Variants in AGAP1 observed in about 807,000 individuals in gnomAD.
AGAP1 encodes ArfGAP with GTPase domain, ankyrin repeat and PH domain 1.
Under a neutral mutation model 105.3 loss-of-function variants are expected in AGAP1, and 29 were observed. The ratio of observed to expected loss-of-function variants is 0.28; its 90% CI spans 0.21 to 0.38. AGAP1 has a LOEUF of 0.38. Ranked by LOEUF, AGAP1 falls within the 10% of genes least tolerant of loss-of-function variation. The pLI is 1.00. For missense variants in AGAP1, 998 were observed against 1,165.1 expected (o/e 0.86, Z 2.09); for synonymous variants, 509 against 485.9 (o/e 1.05, Z -0.63).
intron 9 of AGAP1, among the ~76,000 whole-genome samples, chr2:235,814,061 T>C (rs778076159): frequency 7.9e-5 from 12 of 152,202 alleles, no homozygotes; most frequent in Non-Finnish European, 1.3e-4. Context: ...CCCAGCCGCC[T>C]GTGTGTGTGC....
intron 8 of AGAP1, among the ~76,000 whole-genome samples, chr2:235,805,166 G>C (rs1957775221): frequency 6.6e-6 from 1 of 152,190 alleles, no homozygotes; most frequent in Non-Finnish European, 1.5e-5. Flanking sequence ...TTTTTTGACT[G>C]TCTCCGGCAA....
intron 1 of AGAP1, among the ~76,000 whole-genome samples, chr2:235,528,434 T>C (rs2149068374): frequency 6.6e-6 from 1 of 150,988 alleles, no homozygotes; most frequent in African/African-American, 2.4e-5. Context: ...TTATGGACTT[T>C]TGGCTGATTT....
intron 13 of AGAP1, among the ~76,000 whole-genome samples, chr2:236,019,798 C>G (rs947754998): frequency 5.9e-5 from 9 of 152,230 alleles, no homozygotes; most frequent in African/African-American, 2.2e-4. Context: ...GGCAGCCCTG[C>G]CTGACAATCT....
intron 9 of AGAP1, among the ~76,000 whole-genome samples, chr2:235,868,717 A>T (rs1224594237): frequency 6.6e-6 from 1 of 152,224 alleles, no homozygotes. Flanking sequence ...GTGGTGTTTT[A>T]TCACAGCTTG....
intron 16 of AGAP1, among the ~76,000 whole-genome samples, chr2:236,102,203 G>A (rs1198965059): frequency 3.7e-4 from 57 of 152,194 alleles, no homozygotes; most frequent in African/African-American, 1.4e-3. Flanking sequence ...GGATCACAAG[G>A]TCAGGAGATC....
chr2:235,613,154 C>T (rs913759397), intron 1 of AGAP1, among the ~76,000 whole-genome samples: 1 of 151,850 alleles, frequency 6.6e-6, no homozygotes, highest in Non-Finnish European at 1.5e-5. Context: ...CACCACCATG[C>T]CCAGCTAATT....
chr2:235,816,775 C>A (rs1958481304), intron 9 of AGAP1, among the ~76,000 whole-genome samples: 1 of 151,932 alleles, frequency 6.6e-6, no homozygotes, highest in Non-Finnish European at 1.5e-5. Context: ...CCTGTAATCC[C>A]ACCTACCTGG....
rs531202659 is a variant in AGAP1, at chr2:235,764,222, G to A, written c.673+13734G>A. On this transcript the variant is annotated intron_variant, in intron 6 of 17. Transcript: ENST00000304032. The stretch of plus-strand genomic sequence containing the variant: ...ACACTTCAAAGGAGGCAAAGAAAAA[G>A]CAAAACTGCCAGTTCCTTGAGCATG... 1.8e-3 allele frequency among the ~76,000 whole-genome samples: 268 copies of A among 152,334 alleles called. 1 individual carries two copies. Among genetic ancestry groups the A allele is most frequent in the African/African-American group, 6.3e-3 (260 of 41,584 alleles).
intron 1 of AGAP1, among the ~76,000 whole-genome samples, chr2:235,511,006 G>A (rs113862212): frequency 0.14 from 21,357 of 148,594 alleles, 1,744 homozygotes; most frequent in Middle Eastern, 0.29. Context: ...GCGGGGGGCG[G>A]CGGTGTATGG....
In AGAP1 at chr2:235,988,897, A is replaced by G. The variant is rs2055436271; in HGVS notation, c.1645+20274A>G. Among the ~76,000 whole-genome samples the G allele has an allele frequency of 6.6e-6, 1 of 152,038 alleles. No homozygotes were observed. The stretch of plus-strand genomic sequence containing the variant: ...CCAGCAGGTAACTTGCTTCAGCGCC[A>G]CTTTGCCTGGGTGCTGGTGATCCTC... On this transcript the variant is annotated intron_variant, in intron 13 of 17. Transcript: ENST00000304032. The surrounding 1 kb of genome is among the most constrained non-coding windows in gnomAD (Gnocchi z 4.7).
intron 1 of AGAP1, among the ~76,000 whole-genome samples, chr2:235,534,534 T>A (rs1268076450): frequency 6.6e-6 from 1 of 152,200 alleles, no homozygotes; most frequent in African/African-American, 2.4e-5. Flanking sequence ...GGGTTGGTAT[T>A]TGTCTCCATA....
chr2:236,069,493 G>C (rs536029309), intron 16 of AGAP1, among the ~76,000 whole-genome samples: 2 of 152,146 alleles, frequency 1.3e-5, no homozygotes, highest in Non-Finnish European at 1.5e-5. Flanking sequence ...GCACAACCTC[G>C]GCTCACTGCA....
At chr2:235,999,966 G>A (rs116568321) in intron 13 of AGAP1, among the ~76,000 whole-genome samples, 1,884 of 152,116 alleles carry the variant, frequency 0.012, 36 homozygotes, top group African/African-American at 0.043. Flanking sequence ...CATGAGTTCC[G>A]AATAGTCTCA....
At position 236,036,650 on chromosome 2, in the gene AGAP1, T is replaced by C; in HGVS notation, c.1735T>C (p.Trp579Arg). The C allele has an allele frequency of 6.2e-7, 1 of 1,614,202 alleles. No individual in the cohort carries two copies. The highest frequency in any genetic ancestry group is 8.5e-7 in the Non-Finnish European group (1 of 1,180,040). ...EATTYEERDA[W>R]VQAIESQILA... ...CACGACGTATGAGGAGCGGGACGCCTGGGTCCAAGCCATCGAGAGCCAGAT... is the reference window on the plus strand; with the variant it reads ...CACGACGTATGAGGAGCGGGACGCCCGGGTCCAAGCCATCGAGAGCCAGAT... Residue 579 changes from tryptophan to arginine, a missense_variant, in exon 14 of 18, where the codon TGG (tryptophan) becomes CGG (arginine). This residue lies in a region of AGAP1 where 735 missense variants were observed against 833.4 expected (regional missense o/e 0.88). Transcript: ENST00000304032. This position sits in a 1 kb window ranked among gnomAD's most constrained non-coding sequence, Gnocchi z 5.7.
intron 1 of AGAP1, among the ~76,000 whole-genome samples, chr2:235,515,515 T>C (rs902487754): frequency 6.6e-6 from 1 of 152,156 alleles, no homozygotes; most frequent in African/African-American, 2.4e-5. Flanking sequence ...TCCACTGGAA[T>C]GGGGAAGGGC....
chr2:235,882,466 T>C lies in AGAP1; in HGVS notation c.1051-879T>C. On this transcript the variant is annotated intron_variant, in intron 9 of 17. Transcript: ENST00000304032. The surrounding 1 kb of genome is among the most constrained non-coding windows in gnomAD (Gnocchi z 4.6). Reference sequence around the variant, plus strand: ...AGCTTGGCCCTATTGAAGCTGGCGATTCCCCCCACGTCTGGTTTGTCTGCC... The same window carrying C: ...AGCTTGGCCCTATTGAAGCTGGCGACTCCCCCCACGTCTGGTTTGTCTGCC... 1 of 1,575,556 alleles carries C rather than the reference T, an allele frequency of 6.3e-7. No homozygotes were observed. The highest frequency in any genetic ancestry group is 8.7e-7 in the Non-Finnish European group (1 of 1,149,372).
In AGAP1 at chr2:235,578,062, G is replaced by T. The variant is rs1444476065; in HGVS notation, c.163+83213G>T. Among the ~76,000 whole-genome samples the T allele has an allele frequency of 6.6e-6, 1 of 152,088 alleles. No individual in the cohort carries two copies. The highest frequency in any genetic ancestry group is 2.4e-5 in the African/African-American group (1 of 41,420). On this transcript the variant is annotated intron_variant, in intron 1 of 17. Transcript: ENST00000304032. This position sits in a 1 kb window ranked among gnomAD's most constrained non-coding sequence, Gnocchi z 4.9. The stretch of plus-strand genomic sequence containing the variant: ...AGGAGCTGGGTACCACTGTTATCCT[G>T]CCTGCTGGTCTGAGGGTCCGAGCGT...
At chr2:235,832,356 G>T (rs1420932562) in intron 9 of AGAP1, among the ~76,000 whole-genome samples, 1 of 151,952 alleles carries the variant, frequency 6.6e-6, no homozygotes, top group African/African-American at 2.4e-5. Flanking sequence ...GTAGGTCTTG[G>T]GCTTCATTTT....
In AGAP1 at chr2:235,843,601, C is replaced by T. The variant is rs944536479; in HGVS notation, c.1050+36270C>T. 6.6e-6 allele frequency among the ~76,000 whole-genome samples: 1 copy of T among 152,158 alleles called. No individual in the cohort carries two copies. Among genetic ancestry groups the T allele is most frequent in the Non-Finnish European group, 1.5e-5 (1 of 68,040 alleles). ...CCCTGTCTTGGCCAGCAGCACTTGC[C>T]TTCTCTTCCCCATCATCTGTGGTCT... On this transcript the variant is annotated intron_variant, in intron 9 of 17. Transcript: ENST00000304032. This position sits in a 1 kb window ranked among gnomAD's most constrained non-coding sequence, Gnocchi z 5.9.
Sources: gnomAD v4.1 joint callset for allele counts (sites outside exome capture counted in the v4.1 genomes callset) on GRCh38, gnomAD v4.1.1 for gene constraint, gnomAD v4.1.1 regional missense constraint, Gnocchi (gnomAD v3.1) non-coding constraint, MANE v1.5 for transcripts, NCBI Gene and HGNC (gene_info 2026-07-23, HGNC 2026-07-21) for gene names.